The following GRB14 variants were observed in gnomAD, a reference collection of about 807,000 sequenced individuals.
The protein encoded by GRB14 is growth factor receptor-bound protein 14.
A neutral mutation model predicts 69.1 loss-of-function variants in GRB14; 38 were observed. The observed-to-expected ratio is 0.55, with a 90% CI of 0.42 to 0.72. The LOEUF is 0.72. Among genes scored for constraint, GRB14 ranks in the 30% least tolerant of loss-of-function variants. The pLI is 0.00. For missense variants in GRB14, 666 were observed against 666.1 expected (o/e 1.00, Z 0.00); for synonymous variants, 247 against 241.3 (o/e 1.02, Z -0.22).
intron 2 of GRB14, among the ~76,000 whole-genome samples, chr2:164,586,459 AC>A (rs1689542576): frequency 6.6e-6 from 1 of 152,206 alleles, no homozygotes; most frequent in African/African-American, 2.4e-5. Context: ...ACATAAAAAT[AC>A]TATAGATCCC....
chr2:164,595,215 T>C (rs1360832814), intron 2 of GRB14, among the ~76,000 whole-genome samples: 4 of 152,262 alleles, frequency 2.6e-5, no homozygotes, highest in Non-Finnish European at 5.9e-5. Context: ...ATTTTCAGTT[T>C]GGTAAGCCTA....
At chr2:164,557,552 G>A (rs2105319252) in intron 2 of GRB14, among the ~76,000 whole-genome samples, 1 of 152,264 alleles carries the variant, frequency 6.6e-6, no homozygotes, top group Middle Eastern at 3.4e-3. Context: ...TACAATAACA[G>A]AAAGTCATTC....
At chr2:164,585,268 C>T (rs1204725982) in intron 2 of GRB14, among the ~76,000 whole-genome samples, 1 of 151,616 alleles carries the variant, frequency 6.6e-6, no homozygotes, top group Non-Finnish European at 1.5e-5. Context: ...AAATAAATCT[C>T]AACACTCAGC....
chr2:164,526,942 T>C, intron 4 of GRB14, 72 bp downstream of exon 4: 1 of 1,063,964 alleles, frequency 9.4e-7, no homozygotes, highest in Non-Finnish European at 1.3e-6. Context: ...TTATTTACAG[T>C]GACTATCTTC....
At position 164,589,877 on chromosome 2, in the gene GRB14, C is replaced by T. The variant is rs146920119; in HGVS notation, c.324+29810G>A. Among the ~76,000 whole-genome samples, 817 of 152,196 alleles carry T rather than the reference C, an allele frequency of 5.4e-3. 6 individuals carry two copies. The highest frequency in any genetic ancestry group is 0.019 in the African/African-American group (776 of 41,518). Reference sequence around the variant, plus strand: ...CTCACAGTTCTGAAGGCTGGAAGTCCGAAATCAGGGTGCCAGCATTGTCGA... The same window carrying T: ...CTCACAGTTCTGAAGGCTGGAAGTCTGAAATCAGGGTGCCAGCATTGTCGA... On this transcript the variant is annotated intron_variant, in intron 2 of 13. Transcript: ENST00000263915.
At chr2:164,524,702 A>G (rs1489500418) in intron 5 of GRB14, among the ~76,000 whole-genome samples, 2 of 152,122 alleles carry the variant, frequency 1.3e-5, no homozygotes, top group Non-Finnish European at 2.9e-5. Flanking sequence ...CTAAAGACTA[A>G]CATAATATTT....
intron 2 of GRB14, among the ~76,000 whole-genome samples, chr2:164,608,035 A>G (rs956522222): frequency 6.6e-6 from 1 of 152,214 alleles, no homozygotes; most frequent in Non-Finnish European, 1.5e-5. Flanking sequence ...AATCAGACTT[A>G]TATTTTATCA....
Position 164,620,241 on chromosome 2 carries a change from T to C in GRB14, c.192-422A>G, listed in dbSNP as rs1277690119. ...TGTTATGCATCCATGATATTGACAG[T>C]CTCTAAGTTGCATTTAGTGCATTCA... is the stretch of plus-strand genomic sequence containing the variant. On this transcript the variant is annotated intron_variant, in intron 1 of 13. Transcript: ENST00000263915. Among the ~76,000 whole-genome samples the C allele has an allele frequency of 5.3e-5, 8 of 152,300 alleles. No individual in the cohort carries two copies. The East Asian group carries it at 1.4e-3, about 26-fold the overall frequency.
At chr2:164,550,651 T>C (rs910312275) in intron 2 of GRB14, among the ~76,000 whole-genome samples, 2 of 151,986 alleles carry the variant, frequency 1.3e-5, no homozygotes, top group African/African-American at 4.8e-5. Flanking sequence ...CTGAACTAAA[T>C]ATGGAAAATG....
rs555451529 is a variant in GRB14 at position 164,575,628 on chromosome 2, TAGG to T, written c.325-27815_325-27813del. ...AAAGATATTTTAAACTGATAAATCA[TAGG>T]AGAATTCTAAGTAATTTATTTTATA... is the stretch of plus-strand genomic sequence containing the variant. On this transcript the variant is annotated intron_variant, in intron 2 of 13. Transcript: ENST00000263915. Among the ~76,000 whole-genome samples, 345 of 152,204 alleles carry T rather than the reference TAGG, an allele frequency of 2.3e-3. 1 individual carries two copies. The highest frequency in any genetic ancestry group is 8.1e-3 in the African/African-American group (335 of 41,544).
chr2:164,618,911 C>A (rs1052969658), intron 2 of GRB14, among the ~76,000 whole-genome samples: 1 of 152,178 alleles, frequency 6.6e-6, no homozygotes, highest in East Asian at 1.9e-4. Flanking sequence ...TGCATTTTGT[C>A]TAGTGAGGCT....
chr2:164,565,452 T>C (rs1456517701), intron 2 of GRB14, among the ~76,000 whole-genome samples: 1 of 152,166 alleles, frequency 6.6e-6, no homozygotes, highest in African/African-American at 2.4e-5. Flanking sequence ...CAATTTCATT[T>C]CCATATTAAT....
Position 164,527,150 on chromosome 2 carries a change from T to C in GRB14, c.482-15A>G, listed in dbSNP as rs751920143. 7.4e-7 allele frequency: 1 copy of C among 1,350,366 alleles called. No individual in the cohort carries two copies. The highest frequency in any genetic ancestry group is 1.3e-5 in the South Asian group (1 of 77,812). The allele number at this position is 1,350,366 out of a possible 1,614,324, so 83.6% of individuals were successfully genotyped here. A position where few individuals can be genotyped will look rare whatever the true frequency, so the allele number is the denominator to read the frequency against. On this transcript the variant is annotated splice_polypyrimidine_tract_variant and intron_variant, in intron 3 of 13. Transcript: ENST00000263915. ...TATTGTTCTTTCTGTAAAGAATGTT[T>C]CAATGAGTATGTTGACAGATAGACA...
intron 2 of GRB14, chr2:164,573,738 T>G: frequency 6.2e-7 from 1 of 1,607,164 alleles, no homozygotes; most frequent in Non-Finnish European, 8.5e-7. Flanking sequence ...CTTCTCAATA[T>G]TCATGCCCGT....
chr2:164,520,982 C>T (rs1172406466), intron 6 of GRB14, among the ~76,000 whole-genome samples: 6 of 152,168 alleles, frequency 3.9e-5, no homozygotes, highest in Admixed American at 3.9e-4. Flanking sequence ...AGTAGAACTA[C>T]ATTTTGATCC....
At chr2:164,605,244 A>C (rs1465815392) in intron 2 of GRB14, among the ~76,000 whole-genome samples, 1 of 152,184 alleles carries the variant, frequency 6.6e-6, no homozygotes, top group Non-Finnish European at 1.5e-5. Context: ...CTGGATGAGG[A>C]GAGAGAAATA....
rs775494148 is a variant in GRB14, at chr2:164,508,808, A to T, written c.861T>A (p.Asp287Glu). The change falls in exon 7 of 14, where the codon GAT (aspartate) becomes GAA (glutamate). Residue 287 changes from aspartate to glutamate, a missense_variant. Asp to Glu is a conservative substitution (Grantham distance 45). Transcript: ENST00000263915. ...LQFFSEFGNSDIYVSLAGKKK... is the reference protein window; with the variant it reads ...LQFFSEFGNSEIYVSLAGKKK... ...TTTTGCCTGCCAGTGACACATAAAT[A>T]TCACTATTGCCAAATTCGCTGAAAA... is the stretch of plus-strand genomic sequence containing the variant. 8.8e-6 allele frequency: 14 copies of T among 1,589,838 alleles called. No individual in the cohort carries two copies. In the African/African-American group the frequency reaches 1.6e-4, roughly 19 times the overall value.
chr2:164,560,110 G>C (rs570453802), intron 2 of GRB14, among the ~76,000 whole-genome samples: 2 of 152,262 alleles, frequency 1.3e-5, no homozygotes, highest in East Asian at 3.9e-4. Context: ...AGCTGAGCCA[G>C]CCACAGAACC....
At chr2:164,594,538 A>G (rs1422799078) in intron 2 of GRB14, among the ~76,000 whole-genome samples, 2 of 152,204 alleles carry the variant, frequency 1.3e-5, no homozygotes, top group Non-Finnish European at 2.9e-5. Context: ...TCTGTCTTAT[A>G]AAGTACAGAG....
Sources: gnomAD v4.1 joint callset for allele counts (sites outside exome capture counted in the v4.1 genomes callset) on GRCh38, gnomAD v4.1.1 for gene constraint, MANE v1.5 for transcripts, NCBI Gene and HGNC (gene_info 2026-07-23, HGNC 2026-07-21) for gene names.